The following MAPKAPK5 variants were observed in gnomAD, a reference collection of about 807,000 sequenced individuals.
The protein encoded by MAPKAPK5 is MAP kinase-activated protein kinase 5.
A neutral mutation model predicts 65.1 loss-of-function variants in MAPKAPK5; 30 were observed. That is an observed-to-expected ratio of 0.46 (90% confidence interval 0.34 to 0.63). The LOEUF is 0.63. MAPKAPK5 is among the 20% of genes least tolerant of loss of function. The pLI is 0.01. For synonymous variants in MAPKAPK5, 179 were observed against 204.6 expected (o/e 0.87, Z 1.07); for missense variants, 433 against 581.4 (o/e 0.74, Z 2.63).
chr12:111,884,223 T>G (rs1739588532), intron 9 of MAPKAPK5, among the ~76,000 whole-genome samples: 1 of 152,128 alleles, frequency 6.6e-6, no homozygotes, highest in South Asian at 2.1e-4. Context: ...GCCAGTTGGT[T>G]GCTTTGAGAT....
At chr12:111,891,182 G>A (rs138635279) in intron 13 of MAPKAPK5, among the ~76,000 whole-genome samples, 152 of 150,406 alleles carry the variant, frequency 1.0e-3, no homozygotes, top group African/African-American at 3.5e-3. Context: ...CAACCTCCCC[G>A]TCCTGGGCTC....
chr12:111,875,273 A>C (rs2069924431), intron 7 of MAPKAPK5, among the ~76,000 whole-genome samples: 1 of 151,978 alleles, frequency 6.6e-6, no homozygotes, highest in African/African-American at 2.4e-5. Flanking sequence ...AGTCTACTCA[A>C]AAGTTGAGCT....
At position 111,898,142 on chromosome 12, in the gene MAPKAPK5, C is replaced by T. The variant is rs2070881754; in HGVS notation, c.*5081C>T. 6.6e-6 allele frequency: 1 copy of T among 151,862 alleles called. No individual in the cohort carries two copies. The highest frequency in any genetic ancestry group is 2.4e-5 in the African/African-American group (1 of 41,328). The allele number at this position is 151,862 out of a possible 1,614,324, so 9.4% of individuals were successfully genotyped here. ...TTTTCTTGATGAAATGTTAACTAGA[C>T]ACCTGGTTAGTCAGCTTTTATTTTG... is the stretch of plus-strand genomic sequence containing the variant. On this transcript the variant is annotated 3_prime_UTR_variant, in exon 14 of 14. Transcript: ENST00000550735.
At chr12:111,868,232 GT>G (rs890968692) in intron 4 of MAPKAPK5, among the ~76,000 whole-genome samples, 2 of 152,098 alleles carry the variant, frequency 1.3e-5, no homozygotes, top group African/African-American at 2.4e-5. Flanking sequence ...ATAAGGTATG[GT>G]TTTTTTGGGG....
intron 1 of MAPKAPK5, among the ~76,000 whole-genome samples, chr12:111,862,054 A>G (rs2069456854): frequency 6.8e-6 from 1 of 147,980 alleles, no homozygotes; most frequent in African/African-American, 2.7e-5. Flanking sequence ...TTCCTTCAGT[A>G]GAAGTGTTTT....
At chr12:111,846,082 C>T (rs1157036746) in intron 1 of MAPKAPK5, among the ~76,000 whole-genome samples, 1 of 152,146 alleles carries the variant, frequency 6.6e-6, no homozygotes, top group East Asian at 1.9e-4. Flanking sequence ...CTCAATAGGT[C>T]ATGGTGAATC....
chr12:111,870,427 T>C, intron 6 of MAPKAPK5, 67 bp downstream of exon 6: 1 of 1,298,488 alleles, frequency 7.7e-7, no homozygotes, highest in South Asian at 1.3e-5. Context: ...TGGGTGTGTT[T>C]GGAGCGCTCT....
chr12:111,854,638 C>T (rs2069180916), intron 1 of MAPKAPK5, among the ~76,000 whole-genome samples: 1 of 152,212 alleles, frequency 6.6e-6, no homozygotes, highest in African/African-American at 2.4e-5. Flanking sequence ...GTTTGGAATA[C>T]ATTATTTCGT....
intron 1 of MAPKAPK5, among the ~76,000 whole-genome samples, chr12:111,850,624 G>C (rs1163264878): frequency 2.0e-5 from 3 of 152,170 alleles, no homozygotes; most frequent in African/African-American, 7.2e-5. Context: ...AAGGATATCT[G>C]CTTGAATGGG....
Position 111,901,757 on chromosome 12 carries a change from G to A in MAPKAPK5, c.*8696G>A, listed in dbSNP as rs2071071914. On this transcript the variant is annotated 3_prime_UTR_variant, in exon 14 of 14. Coordinates refer to ENST00000550735, the MANE Select transcript of MAPKAPK5 (RefSeq NM_003668.4). ...GTATATCAAACTCCTCAAGTACTGA[G>A]TGGGAATGAGATGTTTGGTGAAGTA... 1 of 201,828 alleles carries A rather than the reference G, an allele frequency of 5.0e-6. No individual in the cohort carries two copies. Among genetic ancestry groups the A allele is most frequent in the Non-Finnish European group, 1.0e-5 (1 of 98,584 alleles). 12.5% of individuals were successfully genotyped at this position (201,828 alleles called of 1,614,324 possible). A position where few individuals can be genotyped will look rare whatever the true frequency, so the allele number is the denominator to read the frequency against.
rs2070298926 is a variant in MAPKAPK5, at chr12:111,883,275, A to G, written c.661-306A>G. On this transcript the variant is annotated intron_variant, in intron 8 of 13. Coordinates refer to ENST00000550735, the MANE Select transcript of MAPKAPK5 (RefSeq NM_003668.4). This position sits in a 1 kb window ranked among gnomAD's most constrained non-coding sequence, Gnocchi z 4.8. ...ATGCCTGTAATCCCAGCTACTCAGGAGGCTGAGGCAGGAGGAATTGCTTGA... is the reference window on the plus strand; with the variant it reads ...ATGCCTGTAATCCCAGCTACTCAGGGGGCTGAGGCAGGAGGAATTGCTTGA... 6.6e-6 allele frequency among the ~76,000 whole-genome samples: 1 copy of G among 152,092 alleles called. No individual in the cohort carries two copies. The highest frequency in any genetic ancestry group is 2.4e-5 in the African/African-American group (1 of 41,432).
intron 7 of MAPKAPK5, among the ~76,000 whole-genome samples, chr12:111,871,546 G>A (rs1413637525): frequency 6.6e-6 from 1 of 152,158 alleles, no homozygotes; most frequent in African/African-American, 2.4e-5. Context: ...AGGAGGCTGA[G>A]GCAGGAGAAT....
At chr12:111,884,209 C>T (rs372945185) in intron 9 of MAPKAPK5, among the ~76,000 whole-genome samples, 139 of 152,202 alleles carry the variant, frequency 9.1e-4, no homozygotes, top group Non-Finnish European at 1.1e-3. Context: ...TCCACCTTCG[C>T]GCTGCCAGTT....
intron 1 of MAPKAPK5, among the ~76,000 whole-genome samples, 191 bp from the exon 2 acceptor site, chr12:111,865,059 G>C (rs1037210003): frequency 1.3e-5 from 2 of 152,134 alleles, no homozygotes; most frequent in Admixed American, 1.3e-4. Context: ...TGGAAAATTG[G>C]GAAACAATGT....
intron 4 of MAPKAPK5, 84 bp from the exon 5 acceptor site, chr12:111,868,669 G>A: frequency 9.5e-7 from 1 of 1,055,680 alleles, no homozygotes; most frequent in Non-Finnish European, 1.4e-6. Flanking sequence ...GTATCTTTAG[G>A]TCAGCTTCTT....
Position 111,870,261 on chromosome 12 carries a change from CT to C in MAPKAPK5, c.394-4del, listed in dbSNP as rs767738565. On this transcript the variant is annotated splice_polypyrimidine_tract_variant and intron_variant, in intron 5 of 13. Transcript: ENST00000550735. ...CTAAGAAGCGACTGTTTCATTGTGT[CT>C]TTTTTCAGATAGCTTTGGCTCTGCG... 5.0e-6 allele frequency: 8 copies of C among 1,585,268 alleles called. No homozygotes were observed. The highest frequency in any genetic ancestry group is 1.7e-5 in the Admixed American group (1 of 59,640).
intron 1 of MAPKAPK5, among the ~76,000 whole-genome samples, chr12:111,849,612 C>T (rs1018371263): frequency 1.3e-5 from 2 of 152,182 alleles, no homozygotes; most frequent in Admixed American, 1.3e-4. Context: ...ATGTGATTGG[C>T]AAATATTTTC....
Position 111,890,029 on chromosome 12 carries a change from C to G in MAPKAPK5, c.1217-11C>G. 2 of 1,551,946 alleles carry G rather than the reference C, an allele frequency of 1.3e-6. No homozygotes were observed. Among genetic ancestry groups the G allele is most frequent in the Non-Finnish European group, 1.8e-6 (2 of 1,139,096 alleles). On this transcript the variant is annotated splice_polypyrimidine_tract_variant and intron_variant, in intron 12 of 13. Coordinates refer to ENST00000550735, the MANE Select transcript of MAPKAPK5 (RefSeq NM_003668.4). ...GGAAAAATGCAAATTCCTCTTCATCCTTACCAATAGGAGAGAATGAAGATG... is the reference window on the plus strand; with the variant it reads ...GGAAAAATGCAAATTCCTCTTCATCGTTACCAATAGGAGAGAATGAAGATG...
chr12:111,901,373 T>C lies in MAPKAPK5; in HGVS notation c.*8312T>C. ...CAGGAAGTGGAGGTAGTGTGGACAGTGGCCCTCCTGGTAAGCTAGGTGGGA... is the reference window on the plus strand; with the variant it reads ...CAGGAAGTGGAGGTAGTGTGGACAGCGGCCCTCCTGGTAAGCTAGGTGGGA... On this transcript the variant is annotated 3_prime_UTR_variant, in exon 14 of 14. Coordinates refer to ENST00000550735, the MANE Select transcript of MAPKAPK5 (RefSeq NM_003668.4). 2.2e-6 allele frequency: 1 copy of C among 456,052 alleles called. No individual in the cohort carries two copies. Among genetic ancestry groups the C allele is most frequent in the Non-Finnish European group, 4.4e-6 (1 of 226,800 alleles). 28.3% of individuals were successfully genotyped at this position (456,052 alleles called of 1,614,324 possible).
Sources: allele counts gnomAD v4.1 joint callset (sites outside exome capture counted in the v4.1 genomes callset), GRCh38; gene constraint gnomAD v4.1.1; non-coding constraint Gnocchi (gnomAD v3.1); transcripts MANE v1.5; gene names NCBI Gene and HGNC (gene_info 2026-07-23, HGNC 2026-07-21).